ASH1L: variants seen among roughly 807,000 people sequenced by gnomAD.
ASH1L encodes the protein histone-lysine N-methyltransferase ASH1L.
Under a neutral mutation model 269.0 loss-of-function variants are expected in ASH1L, and 23 were observed. That is an observed-to-expected ratio of 0.09 (90% CI 0.06 to 0.12). The LOEUF is 0.12. Among genes scored for constraint, ASH1L ranks in the 10% least tolerant of loss-of-function variants. The probability of loss-of-function intolerance (pLI) is 1.00; values close to 1 mark genes in which losing one functional copy is unlikely to be tolerated. For synonymous variants in ASH1L, 1,187 were observed against 1,253.5 expected (o/e 0.95, Z 1.12); for missense variants, 2,912 against 3,567.8 (o/e 0.82, Z 4.68).
intron 6 of ASH1L, among the ~76,000 whole-genome samples, chr1:155,407,101 T>C (rs1659359066): frequency 2.0e-5 from 3 of 151,948 alleles, no homozygotes; most frequent in African/African-American, 7.3e-5. Flanking sequence ...TGCACACCTG[T>C]GGTCCCAGCT....
intron 1 of ASH1L, among the ~76,000 whole-genome samples, chr1:155,538,225 T>C (rs1233686650): frequency 6.6e-6 from 1 of 151,936 alleles, no homozygotes; most frequent in Non-Finnish European, 1.5e-5. Flanking sequence ...TTTTGCATTT[T>C]GGAGATGGGG....
chr1:155,413,600 T>G (rs1033506097), intron 6 of ASH1L, among the ~76,000 whole-genome samples: 1 of 151,966 alleles, frequency 6.6e-6, no homozygotes, highest in African/African-American at 2.4e-5. Context: ...AGAGTGAAAC[T>G]CCATCGCAAC....
At chr1:155,437,337 G>A (rs746264980) in intron 5 of ASH1L, among the ~76,000 whole-genome samples, 6 of 152,078 alleles carry the variant, frequency 3.9e-5, no homozygotes, top group Admixed American at 6.6e-5. Flanking sequence ...GCCAATAAGC[G>A]TATGAAAATA....
chr1:155,455,923 G>C (rs560732736), intron 4 of ASH1L, among the ~76,000 whole-genome samples: 12 of 152,198 alleles, frequency 7.9e-5, no homozygotes, highest in African/African-American at 2.9e-4. Context: ...TTCTATGATA[G>C]GTTTATTTCT....
intron 2 of ASH1L, among the ~76,000 whole-genome samples, chr1:155,517,831 C>T (rs1206772275): frequency 1.9e-5 from 2 of 107,350 alleles, no homozygotes; most frequent in Admixed American, 1.3e-4. Context: ...GACGGAGTCT[C>T]GCTCTGTCGC....
rs1287249242 is a variant in ASH1L at position 155,560,056 on chromosome 1, C to T, written c.-100+2097G>A. On this transcript the variant is annotated intron_variant, in intron 1 of 27. Transcript: ENST00000392403. ...ATAAAAAGAATAAAAAACATGGACCCTAAAGTTCTCCTGTCAACATGTTCA... is the reference window on the plus strand; with the variant it reads ...ATAAAAAGAATAAAAAACATGGACCTTAAAGTTCTCCTGTCAACATGTTCA... Among the ~76,000 whole-genome samples, 4 of 152,226 alleles carry T rather than the reference C, an allele frequency of 2.6e-5. No homozygotes were observed. The South Asian group carries it at 6.2e-4, about 24-fold the overall frequency.
At chr1:155,535,899 G>C (rs1185754937) in intron 1 of ASH1L, among the ~76,000 whole-genome samples, 2 of 151,974 alleles carry the variant, frequency 1.3e-5, no homozygotes, top group African/African-American at 4.8e-5. Context: ...TCAGGACGCT[G>C]AGGCAGGAGA....
At chr1:155,550,160 A>C (rs1344219036) in intron 1 of ASH1L, among the ~76,000 whole-genome samples, 1 of 152,084 alleles carries the variant, frequency 6.6e-6, no homozygotes, top group African/African-American at 2.4e-5. Flanking sequence ...AGCTGCGATT[A>C]CAGGTGTGCA....
chr1:155,359,230 G>A (rs1266392293), intron 13 of ASH1L, among the ~76,000 whole-genome samples: 2 of 152,154 alleles, frequency 1.3e-5, no homozygotes, highest in Admixed American at 6.6e-5. Context: ...TTGAGTATGT[G>A]GGACTGTAGG....
chr1:155,553,252 C>T (rs190438265), intron 1 of ASH1L, among the ~76,000 whole-genome samples: 3 of 152,170 alleles, frequency 2.0e-5, no homozygotes, highest in African/African-American at 7.2e-5. Context: ...ATAATCAAGG[C>T]CTGATTAACT....
chr1:155,510,690 T>C (rs928521522), intron 2 of ASH1L, among the ~76,000 whole-genome samples: 1 of 152,144 alleles, frequency 6.6e-6, no homozygotes, highest in Non-Finnish European at 1.5e-5. Flanking sequence ...TGTACCAACT[T>C]TGATTCCCAA....
intron 1 of ASH1L, among the ~76,000 whole-genome samples, chr1:155,558,700 T>C (rs1671763140): frequency 6.6e-6 from 1 of 151,980 alleles, no homozygotes; most frequent in African/African-American, 2.4e-5. Context: ...TCATTCTAAT[T>C]TTTTAACTTT....
Position 155,438,496 on chromosome 1 carries a change from G to A in ASH1L, c.5659C>T (p.His1887Tyr). Residue 1887 changes from histidine (H) to tyrosine (Y), a missense_variant, in exon 5 of 28, where the codon CAC becomes TAC. By Grantham distance (83) the His-to-Tyr change is moderately conservative (BLOSUM62 2). Around this residue, in one of 13 missense-constraint regions of ASH1L, gnomAD observed 789 missense variants for 897.6 expected, o/e 0.88. Coordinates refer to ENST00000392403, the MANE Select transcript of ASH1L (RefSeq NM_018489.3). The stretch of plus-strand genomic sequence containing the variant: ...TCTGTAACTGTGTCAGGACTGAGGT[G>A]CAGTGCTGCTCCTTCCTCGTCTCTG... ...LNRDEEGAAL[H>Y]LSPDTVTDVI... 1.9e-6 allele frequency: 3 copies of A among 1,613,652 alleles called. No homozygotes were observed. The highest frequency in any genetic ancestry group is 2.5e-6 in the Non-Finnish European group (3 of 1,179,848).
intron 16 of ASH1L, among the ~76,000 whole-genome samples, chr1:155,353,443 T>A (rs1654097710): frequency 6.6e-6 from 1 of 152,168 alleles, no homozygotes; most frequent in Non-Finnish European, 1.5e-5. Flanking sequence ...TAGTTAGCAT[T>A]CAGCATATCC....
intron 3 of ASH1L, among the ~76,000 whole-genome samples, chr1:155,468,449 A>G (rs181949874): frequency 1.3e-5 from 2 of 152,184 alleles, no homozygotes; most frequent in Admixed American, 1.3e-4. Flanking sequence ...CACCTCCTGA[A>G]AGTGTGTTCT....
chr1:155,506,744 T>C (rs1288424758), intron 2 of ASH1L, among the ~76,000 whole-genome samples: 1 of 152,038 alleles, frequency 6.6e-6, no homozygotes, highest in African/African-American at 2.4e-5. Flanking sequence ...TATAGCATTA[T>C]AAAATTTTAA....
At chr1:155,363,177 T>G (rs1295272818) in intron 12 of ASH1L, among the ~76,000 whole-genome samples, 1 of 152,114 alleles carries the variant, frequency 6.6e-6, no homozygotes, top group Non-Finnish European at 1.5e-5. Flanking sequence ...CAGACGGGAT[T>G]TCTCCACGTT....
intron 26 of ASH1L, 142 bp downstream of exon 26, chr1:155,339,186 T>C: frequency 1.5e-6 from 1 of 675,224 alleles, no homozygotes; most frequent in East Asian, 2.7e-5. Flanking sequence ...AGTTCTTCCA[T>C]AGTGCTGGCA....
rs1659274832 is a variant in ASH1L at position 155,406,197 on chromosome 1, C to G, written c.6008+9547G>C. On this transcript the variant is annotated intron_variant, in intron 6 of 27. Transcript: ENST00000392403. ...CCAGCCTGGGCGACAGAGTGAGACTCTGTCTCAAAAAAAAAAAAAAAAAAA... is the reference window on the plus strand; with the variant it reads ...CCAGCCTGGGCGACAGAGTGAGACTGTGTCTCAAAAAAAAAAAAAAAAAAA... Among the ~76,000 whole-genome samples the G allele has an allele frequency of 2.3e-5, 3 of 132,800 alleles. No homozygotes were observed. In the Admixed American group the frequency reaches 2.5e-4, roughly 11 times the overall value. The allele number at this position is 132,800 out of a possible 152,430, so 87.1% of individuals were successfully genotyped here.
Sources: gnomAD v4.1 joint callset for allele counts (sites outside exome capture counted in the v4.1 genomes callset) on GRCh38, gnomAD v4.1.1 for gene constraint, gnomAD v4.1.1 regional missense constraint, MANE v1.5 for transcripts, NCBI Gene and HGNC (gene_info 2026-07-23, HGNC 2026-07-21) for gene names.